Variants in TACC2 observed in about 807,000 individuals in gnomAD.
TACC2 encodes the protein transforming acidic coiled-coil containing protein 2, also known as transforming acidic coiled-coil-containing protein 2.
In TACC2, 137 loss-of-function variants were observed where a neutral mutation model predicts 227.3. The observed-to-expected ratio is 0.60, with a 90% confidence interval of 0.52 to 0.69. The LOEUF is 0.69. TACC2 is among the 30% of genes least tolerant of loss of function. The pLI, the probability that TACC2 is intolerant of heterozygous loss-of-function variation, is 0.00. For missense variants in TACC2, 3,470 were observed against 3,694.4 expected, an observed-to-expected ratio of 0.94 and a Z score of 1.57; for synonymous variants, 1,523 against 1,487.5, an observed-to-expected ratio of 1.02 and a Z score of -0.55.
At chr10:122,056,973 T>C (rs916646296) in intron 3 of TACC2, among the ~76,000 whole-genome samples, 6 of 151,948 alleles carry the variant, frequency 3.9e-5, no homozygotes, top group African/African-American at 1.5e-4. Context: ...CGGTGGATCA[T>C]GTGAGGTCAA....
At chr10:122,029,720 G>A (rs1565111168) in intron 2 of TACC2, among the ~76,000 whole-genome samples, 1 of 152,134 alleles carries the variant, frequency 6.6e-6, no homozygotes. Flanking sequence ...GAGTTGAGAA[G>A]GGCATAGCTA....
chr10:122,214,648 C>T (rs2095364158), intron 9 of TACC2, among the ~76,000 whole-genome samples: 1 of 152,164 alleles, frequency 6.6e-6, no homozygotes, highest in African/African-American at 2.4e-5. Context: ...TAAAAGGCAT[C>T]CCTTTCTCCT....
At position 122,248,800 on chromosome 10, in the gene TACC2, C is replaced by A. The variant is rs749892480; in HGVS notation, c.8550C>A (p.Arg2850=). ...EKMKEVLEGF[R]KNEEVLKRCA... is the part of the protein sequence containing the mutation. Reference sequence around the variant, plus strand: ...TGAAGGAGGTCCTAGAAGGCTTCCGCAAGGTAGGGCTGAGTTTGGGGGCCA... The same window carrying A: ...TGAAGGAGGTCCTAGAAGGCTTCCGAAAGGTAGGGCTGAGTTTGGGGGCCA... Residue 2850 remains arginine, a synonymous_variant, in exon 20 of 23, where the codon CGC becomes CGA. Transcript: ENST00000369005. 6.2e-7 allele frequency: 1 copy of A among 1,614,014 alleles called. No individual in the cohort carries two copies. Among genetic ancestry groups the A allele is most frequent in the South Asian group, 1.1e-5 (1 of 91,068 alleles).
Position 122,180,932 on chromosome 10 carries a change from C to A in TACC2, c.5835-14108C>A, listed in dbSNP as rs2093953148. Among the ~76,000 whole-genome samples the A allele has an allele frequency of 6.6e-6, 1 of 151,846 alleles. No homozygotes were observed. The highest frequency in any genetic ancestry group is 2.1e-4 in the South Asian group (1 of 4,822). ...CTAATTTTTATATTTTTAGTAGAGA[C>A]AGGGTTTCACCATGTTGCCCAGGCT... On this transcript the variant is annotated intron_variant, in intron 7 of 22. Transcript: ENST00000369005. The surrounding 1 kb of genome is among the most constrained non-coding windows in gnomAD (Gnocchi z 4.5).
At chr10:122,004,102 A>T (rs547177973) in intron 1 of TACC2, among the ~76,000 whole-genome samples, 2 of 152,170 alleles carry the variant, frequency 1.3e-5, no homozygotes, top group East Asian at 3.9e-4. Flanking sequence ...TTCTGCTAAG[A>T]TGTAGGTGTA....
chr10:122,071,453 GA>G (rs1483554846), intron 3 of TACC2, among the ~76,000 whole-genome samples: 1 of 151,974 alleles, frequency 6.6e-6, no homozygotes, highest in Non-Finnish European at 1.5e-5. Context: ...GAGGGTTGCT[GA>G]AAAAAATTGG....
chr10:121,991,680 G>A (rs1167204598), intron 1 of TACC2, among the ~76,000 whole-genome samples: 1 of 152,172 alleles, frequency 6.6e-6, no homozygotes, highest in East Asian at 1.9e-4. Flanking sequence ...CAGGATCATG[G>A]GAACTGCACT....
chr10:122,113,512 G>GC (rs1439735017), intron 5 of TACC2, among the ~76,000 whole-genome samples: 2 of 152,202 alleles, frequency 1.3e-5, no homozygotes, highest in African/African-American at 4.8e-5. Context: ...CGGGGCGCGC[G>GC]CCAGTGGCTG....
chr10:122,176,433 T>G (rs2093722663), intron 7 of TACC2, among the ~76,000 whole-genome samples: 1 of 152,114 alleles, frequency 6.6e-6, no homozygotes, highest in Admixed American at 6.5e-5. Flanking sequence ...GACAGTGGTT[T>G]TGTGCATCAG....
At position 122,143,716 on chromosome 10, in the gene TACC2, A is replaced by G. The variant is rs753771412; in HGVS notation, c.5834+10A>G. The G allele has an allele frequency of 6.2e-7, 1 of 1,612,328 alleles. No homozygotes were observed. The highest frequency in any genetic ancestry group is 1.1e-5 in the South Asian group (1 of 90,962). ...CCAAGGACCTCAGCAGGTATTGCGC[A>G]AGTCCCCCTCCACAGCACCTGCCCC... On this transcript the variant is annotated intron_variant, in intron 7 of 22. Coordinates refer to ENST00000369005, the MANE Select transcript of TACC2 (RefSeq NM_206862.4).
chr10:122,153,002 T>TCTTTTTTTTTTTC (rs1555080833), intron 7 of TACC2, among the ~76,000 whole-genome samples: 1 of 143,162 alleles, frequency 7.0e-6, no homozygotes, highest in African/African-American at 2.5e-5. Flanking sequence ...TTTCTTTCTT[T>TCTTTTTTTTTTTC]TTTTTTTGAG....
At chr10:122,069,249 T>A (rs148012464) in intron 3 of TACC2, among the ~76,000 whole-genome samples, 3,021 of 151,420 alleles carry the variant, frequency 0.02, 47 homozygotes, top group African/African-American at 0.037. Flanking sequence ...TATTTATTTT[T>A]TTTTTTTTTT....
chr10:122,097,212 C>T (rs2081542431), intron 5 of TACC2, among the ~76,000 whole-genome samples: 1 of 151,300 alleles, frequency 6.6e-6, no homozygotes, highest in Non-Finnish European at 1.5e-5. Flanking sequence ...GCCTGTGGTC[C>T]CAGCTATTCA....
chr10:122,242,135 C>T, intron 19 of TACC2, 134 bp downstream of exon 19: 1 of 824,042 alleles, frequency 1.2e-6, no homozygotes, highest in South Asian at 1.4e-5. Flanking sequence ...CAGAGCATTC[C>T]AGAAAATATG....
At chr10:122,071,050 A>G (rs981935826) in intron 3 of TACC2, among the ~76,000 whole-genome samples, 2 of 152,230 alleles carry the variant, frequency 1.3e-5, no homozygotes, top group Non-Finnish European at 2.9e-5. Context: ...TCTCATTTGC[A>G]TTTTTCCATG....
In TACC2 at chr10:122,035,217, G is replaced by A. The variant is rs559627963; in HGVS notation, c.33+13203G>A. Among the ~76,000 whole-genome samples, 6 of 152,304 alleles carry A rather than the reference G, an allele frequency of 3.9e-5. No homozygotes were observed. In the South Asian group the frequency reaches 6.2e-4, roughly 16 times the overall value. On this transcript the variant is annotated intron_variant, in intron 2 of 22. Transcript: ENST00000369005. ...GACCTCAGTCACAAGCTCCCACGTC[G>A]TGATGTGACGTGGATATGGTTTTTT... is the stretch of plus-strand genomic sequence containing the variant.
rs777280236 is a variant in TACC2 at position 122,210,964 on chromosome 10, C to T, written c.6539C>T (p.Thr2180Met). 4.2e-5 allele frequency: 67 copies of T among 1,613,894 alleles called. No homozygotes were observed. The highest frequency in any genetic ancestry group is 1.9e-4 in the South Asian group (17 of 91,056). ...GAGACGAAAACGGAATCTGCCAAGA[C>T]GGAAGGTCCTAGCCCAGCCTTATTG... ...ASETKTESAK[T>M]EGPSPALLEE... Residue 2180 changes from threonine (T) to methionine (M), a missense_variant, in exon 9 of 23, where the codon ACG (threonine) becomes ATG (methionine). Thr to Met is a moderately conservative substitution (Grantham distance 81). Coordinates refer to ENST00000369005, the MANE Select transcript of TACC2 (RefSeq NM_206862.4). The surrounding 1 kb of genome is among the most constrained non-coding windows in gnomAD (Gnocchi z 4.6).
At chr10:122,123,809 A>AT (rs55702616) in intron 5 of TACC2, among the ~76,000 whole-genome samples, 3,530 of 98,500 alleles carry the variant, frequency 0.036, 101 homozygotes, top group Non-Finnish European at 0.053. Flanking sequence ...CTGTAGAGTC[A>AT]TTTTTTTTTT....
chr10:122,130,605 G>A (rs1479179861), intron 5 of TACC2, among the ~76,000 whole-genome samples: 1 of 152,116 alleles, frequency 6.6e-6, no homozygotes, highest in Non-Finnish European at 1.5e-5. Flanking sequence ...TCTTCCACCT[G>A]TGGGACAAAG....
Sources: allele counts gnomAD v4.1 joint callset (sites outside exome capture counted in the v4.1 genomes callset), GRCh38; gene constraint gnomAD v4.1.1; non-coding constraint Gnocchi (gnomAD v3.1); transcripts MANE v1.5; gene names NCBI Gene and HGNC (gene_info 2026-07-23, HGNC 2026-07-21).